Variants in ZNF654 observed in about 807,000 individuals in gnomAD.
ZNF654 encodes melanoma-associated antigen.
Under a neutral mutation model 95.3 loss-of-function variants are expected in ZNF654, and 19 were observed. That is an observed-to-expected ratio of 0.20 (90% CI 0.14 to 0.29). The LOEUF (loss-of-function observed/expected upper bound fraction) is 0.29, where lower values mean the gene tolerates loss of function less well. ZNF654 is among the 10% of genes least tolerant of loss of function. The pLI is 1.00. For missense variants in ZNF654, 1,046 were observed against 1,341.0 expected (o/e 0.78, Z 3.44); for synonymous variants, 413 against 457.9 (o/e 0.90, Z 1.25).
intron 2 of ZNF654, among the ~76,000 whole-genome samples, chr3:88,094,517 T>A (rs1324215597): frequency 6.6e-6 from 1 of 152,134 alleles, no homozygotes; most frequent in Non-Finnish European, 1.5e-5. Flanking sequence ...GGGCTGTAGA[T>A]GTGTAGTTTT....
At chr3:88,126,706 C>T (rs1490071499) in intron 4 of ZNF654, among the ~76,000 whole-genome samples, 9 of 149,990 alleles carry the variant, frequency 6.0e-5, no homozygotes, top group Non-Finnish European at 1.3e-4. Context: ...GTCACTACTA[C>T]TGCATATCCT....
chr3:88,133,071 C>G (rs1398044567), intron 6 of ZNF654, among the ~76,000 whole-genome samples: 3 of 152,180 alleles, frequency 2.0e-5, no homozygotes, highest in African/African-American at 7.2e-5. Flanking sequence ...CCAGCAGGAA[C>G]ATCAACAAAC....
intron 2 of ZNF654, chr3:88,095,604 A>G: frequency 1.9e-6 from 1 of 520,538 alleles, no homozygotes; most frequent in South Asian, 1.4e-5. Context: ...TGCCCCAATG[A>G]TCTTTTCTGG....
At chr3:88,132,399 G>C (rs181096124) in intron 6 of ZNF654, among the ~76,000 whole-genome samples, 10 of 152,204 alleles carry the variant, frequency 6.6e-5, no homozygotes, top group Non-Finnish European at 1.2e-4. Context: ...GTTTTCTAAT[G>C]CACACATTGA....
At chr3:88,110,628 C>T (rs1053212594) in intron 2 of ZNF654, among the ~76,000 whole-genome samples, 4 of 152,060 alleles carry the variant, frequency 2.6e-5, no homozygotes, top group Non-Finnish European at 4.4e-5. Flanking sequence ...ATATTTTGGG[C>T]TTCTACTTTA....
rs552356777 is a variant in ZNF654 at position 88,142,299 on chromosome 3, A to AAC, written c.*648_*649insCA. 149 of 151,884 alleles carry AAC rather than the reference A, an allele frequency of 9.8e-4. No homozygotes were observed. The highest frequency in any genetic ancestry group is 3.5e-3 in the African/African-American group (143 of 41,372). The allele number at this position is 151,884 out of a possible 1,614,324, so 9.4% of individuals were successfully genotyped here. On this transcript the variant is annotated 3_prime_UTR_variant, in exon 9 of 9. Transcript: ENST00000636215. ...CATTGAAAATTAAAAAACAAAACAA[A>AAC]AAAAACCACAGTGCTTTGCTAATAA... is the stretch of plus-strand genomic sequence containing the variant.
chr3:88,111,405 C>A (rs1409440358), intron 2 of ZNF654, among the ~76,000 whole-genome samples: 1 of 151,780 alleles, frequency 6.6e-6, no homozygotes, highest in Non-Finnish European at 1.5e-5. Flanking sequence ...GTTCCCCCAC[C>A]CCCTGACCCC....
chr3:88,088,289 C>A (rs952260998), intron 2 of ZNF654, among the ~76,000 whole-genome samples: 1 of 151,680 alleles, frequency 6.6e-6, no homozygotes, highest in Non-Finnish European at 1.5e-5. Flanking sequence ...TAATGAATAT[C>A]TAAGAATCAT....
chr3:88,088,476 A>G (rs1378974896), intron 2 of ZNF654, among the ~76,000 whole-genome samples: 1 of 152,218 alleles, frequency 6.6e-6, no homozygotes, highest in Non-Finnish European at 1.5e-5. Flanking sequence ...CGCTGTGTGA[A>G]AGGAATAATG....
chr3:88,133,627 A>G (rs1706595664), intron 6 of ZNF654, among the ~76,000 whole-genome samples: 1 of 152,162 alleles, frequency 6.6e-6, no homozygotes, highest in Non-Finnish European at 1.5e-5. Flanking sequence ...TAAATGAAGC[A>G]GTTTAGCTGA....
Position 88,059,517 on chromosome 3 carries a change from G to T in ZNF654, c.186+12G>T. ...GACGCTTCTGTCAGGTGAGGCGTCC[G>T]TTGGCCGCCCCGACTTGTCACCCGG... On this transcript the variant is annotated intron_variant, in intron 1 of 8. Coordinates refer to ENST00000636215, the MANE Select transcript of ZNF654 (RefSeq NM_001350134.2). 1 of 1,463,028 alleles carries T rather than the reference G, an allele frequency of 6.8e-7. No homozygotes were observed. The highest frequency in any genetic ancestry group is 9.0e-7 in the Non-Finnish European group (1 of 1,115,686). The allele number at this position is 1,463,028 out of a possible 1,614,324, so 90.6% of individuals were successfully genotyped here.
chr3:88,143,319 C>G lies in ZNF654; in HGVS notation c.*1667C>G, dbSNP rs1707214541. The G allele has an allele frequency of 6.6e-6, 1 of 151,990 alleles. No homozygotes were observed. Among genetic ancestry groups the G allele is most frequent in the African/African-American group, 2.4e-5 (1 of 41,338 alleles). The allele number at this position is 151,990 out of a possible 1,614,324, so 9.4% of individuals were successfully genotyped here. A position where few individuals can be genotyped will look rare whatever the true frequency, so the allele number is the denominator to read the frequency against. On this transcript the variant is annotated 3_prime_UTR_variant, in exon 9 of 9. Coordinates refer to ENST00000636215, the MANE Select transcript of ZNF654 (RefSeq NM_001350134.2). ...GTCCATTCCAAATTTAAATTTGTTT[C>G]TGTTATGTAGCCTATATTAGGCTGT... is the stretch of plus-strand genomic sequence containing the variant.
chr3:88,060,087 G>A (rs1447365213), intron 1 of ZNF654, among the ~76,000 whole-genome samples: 4 of 152,010 alleles, frequency 2.6e-5, no homozygotes. Context: ...ACTTTTTTCG[G>A]ACAGAGAGTG....
intron 2 of ZNF654, among the ~76,000 whole-genome samples, chr3:88,105,771 G>A (rs1425533476): frequency 6.6e-6 from 1 of 152,118 alleles, no homozygotes; most frequent in Non-Finnish European, 1.5e-5. Context: ...TCTTGTGACT[G>A]AAGTTTGAAT....
At chr3:88,098,888 G>T (rs560126151) in intron 2 of ZNF654, among the ~76,000 whole-genome samples, 210 of 152,234 alleles carry the variant, frequency 1.4e-3, no homozygotes, top group Non-Finnish European at 2.6e-3. Flanking sequence ...CATACTGAAT[G>T]GGCAAAAACT....
At position 88,123,195 on chromosome 3, in the gene ZNF654, G is replaced by C. The variant is rs183240733; in HGVS notation, c.415-2939G>C. Among the ~76,000 whole-genome samples, 61 of 152,094 alleles carry C rather than the reference G, an allele frequency of 4.0e-4. 1 individual carries two copies. The highest frequency in any genetic ancestry group is 1.4e-3 in the African/African-American group (60 of 41,496). On this transcript the variant is annotated intron_variant, in intron 3 of 8. Transcript: ENST00000636215. Reference sequence around the variant, plus strand: ...AGGAACGAGGAGCCAAAAAATACTTGTAAGCTTATTGTTCTTTCTTCCTTT... The same window carrying C: ...AGGAACGAGGAGCCAAAAAATACTTCTAAGCTTATTGTTCTTTCTTCCTTT...
At chr3:88,079,331 G>A (rs1707966828) in intron 1 of ZNF654, among the ~76,000 whole-genome samples, 1 of 152,048 alleles carries the variant, frequency 6.6e-6, no homozygotes, top group Non-Finnish European at 1.5e-5. Context: ...AGACTATGGA[G>A]AAATAGTTAA....
At chr3:88,131,516 C>CA (rs992980029) in intron 6 of ZNF654, among the ~76,000 whole-genome samples, 15 of 152,108 alleles carry the variant, frequency 9.9e-5, no homozygotes, top group Non-Finnish European at 2.1e-4. Context: ...CAAGTATACA[C>CA]AAACACACAC....
chr3:88,118,974 T>A (rs1705585392), intron 3 of ZNF654, among the ~76,000 whole-genome samples: 1 of 149,182 alleles, frequency 6.7e-6, no homozygotes, highest in African/African-American at 2.5e-5. Flanking sequence ...GAAGTCAGTG[T>A]GGCGATTCCT....
Sources: gnomAD v4.1 joint callset for allele counts (sites outside exome capture counted in the v4.1 genomes callset) on GRCh38, gnomAD v4.1.1 for gene constraint, MANE v1.5 for transcripts, NCBI Gene and HGNC (gene_info 2026-07-23, HGNC 2026-07-21) for gene names.